The following TNFSF4 variants were observed in gnomAD, a reference collection of about 807,000 sequenced individuals.
TNFSF4 encodes the protein TNF superfamily member 4, also known as tumor necrosis factor ligand superfamily member 4.
Under a neutral mutation model 7.3 loss-of-function variants are expected in TNFSF4, and 4 were observed. The ratio of observed to expected loss-of-function variants is 0.55; its 90% CI spans 0.27 to 1.25. The LOEUF is 1.25. Ranked by LOEUF, TNFSF4 falls within the 50% of genes most tolerant of loss-of-function variation. The pLI, the probability that TNFSF4 is intolerant of heterozygous loss-of-function variation, is 0.12. For missense variants in TNFSF4, 181 were observed against 208.8 expected (o/e 0.87, Z 0.82); for synonymous variants, 76 against 83.7 (o/e 0.91, Z 0.50).
the TNFSF4 span, among the ~76,000 whole-genome samples, chr1:173,310,513 C>T: frequency 6.6e-6 from 1 of 151,662 alleles, no homozygotes; most frequent in Non-Finnish European, 1.5e-5. Context: ...TATAGAACAC[C>T]TTATTATTTT....
chr1:173,320,406 C>T, the TNFSF4 span, among the ~76,000 whole-genome samples: 1 of 152,246 alleles, frequency 6.6e-6, no homozygotes, highest in Non-Finnish European at 1.5e-5. Flanking sequence ...GGAATCATTC[C>T]CTTTGAAAAC....
the TNFSF4 span, chr1:173,351,946 C>A: frequency 7.8e-5 from 42 of 535,032 alleles, no homozygotes; most frequent in Non-Finnish European, 1.4e-4. Context: ...AAAGCCAAAT[C>A]TCACCAGGCA....
At chr1:173,333,511 G>C in the TNFSF4 span, among the ~76,000 whole-genome samples, 1 of 152,074 alleles carries the variant, frequency 6.6e-6, no homozygotes, top group Non-Finnish European at 1.5e-5. Context: ...TGGGGCCTTT[G>C]AGAGGTTATT....
the TNFSF4 span, among the ~76,000 whole-genome samples, chr1:173,428,356 T>C: frequency 6.6e-6 from 1 of 152,208 alleles, no homozygotes; most frequent in Non-Finnish European, 1.5e-5. Context: ...TGGAGGATAC[T>C]GTTACAGAGG....
chr1:173,272,687 A>G, the TNFSF4 span, among the ~76,000 whole-genome samples: 1 of 152,138 alleles, frequency 6.6e-6, no homozygotes, highest in Non-Finnish European at 1.5e-5. Flanking sequence ...CCTTCCAGAA[A>G]GTCAACAAGC....
the TNFSF4 span, among the ~76,000 whole-genome samples, chr1:173,296,581 G>C: frequency 1.3e-5 from 2 of 151,896 alleles, no homozygotes; most frequent in Non-Finnish European, 2.9e-5. Context: ...AGGAGAGAAG[G>C]CTGCAAAGGG....
the TNFSF4 span, among the ~76,000 whole-genome samples, chr1:173,265,705 C>T: frequency 6.6e-6 from 1 of 152,152 alleles, no homozygotes; most frequent in African/African-American, 2.4e-5. Context: ...CAGCTGAAAT[C>T]CAACCACATG....
chr1:173,317,367 G>T, the TNFSF4 span, among the ~76,000 whole-genome samples: 1 of 152,142 alleles, frequency 6.6e-6, no homozygotes, highest in Non-Finnish European at 1.5e-5. Context: ...TACTCAATAC[G>T]CTTCTTGGCC....
chr1:173,393,173 T>C, the TNFSF4 span, among the ~76,000 whole-genome samples: 1 of 152,198 alleles, frequency 6.6e-6, no homozygotes, highest in East Asian at 1.9e-4. Context: ...TACCCAGATG[T>C]GGGAGCAAAA....
Position 173,186,683 on chromosome 1 carries a change from G to A in TNFSF4, c.385C>T (p.Leu129=), listed in dbSNP as rs566629355. Residue 129 remains leucine, a synonymous_variant, in exon 3 of 3, where the codon CTG becomes TTG. Transcript: ENST00000281834. ...YQKDEEPLFQ[L]KKVRSVNSLM... Reference sequence around the variant, plus strand: ...GAGTTGACAGACCTGACCTTCTTCAGTTGGAAGAGGGGCTCCTCATCCTTC... The same window carrying A: ...GAGTTGACAGACCTGACCTTCTTCAATTGGAAGAGGGGCTCCTCATCCTTC... 10 of 1,614,086 alleles carry A rather than the reference G, an allele frequency of 6.2e-6. No individual in the cohort carries two copies. The South Asian group carries it at 9.9e-5, about 16-fold the overall frequency.
the TNFSF4 span, among the ~76,000 whole-genome samples, chr1:173,400,546 T>C: frequency 3.9e-5 from 6 of 152,226 alleles, no homozygotes; most frequent in Non-Finnish European, 7.3e-5. Flanking sequence ...AATGGTTCCA[T>C]TGAATTGGAA....
the TNFSF4 span, among the ~76,000 whole-genome samples, chr1:173,369,408 G>C: frequency 6.6e-6 from 1 of 152,126 alleles, no homozygotes; most frequent in African/African-American, 2.4e-5. Flanking sequence ...AGAATGCTTC[G>C]GTAAGGGCCA....
At chr1:173,179,878 T>C (rs535887495), downstream of TNFSF4, among the ~76,000 whole-genome samples, 1 of 152,280 alleles carries the variant, frequency 6.6e-6, no homozygotes, top group East Asian at 1.9e-4. Context: ...GGTCATATAG[T>C]CTTGGATGGT....
At chr1:173,445,948 A>C in the TNFSF4 span, among the ~76,000 whole-genome samples, 1 of 152,192 alleles carries the variant, frequency 6.6e-6, no homozygotes, top group African/African-American at 2.4e-5. Flanking sequence ...TCTGAACAAA[A>C]CCAGTGTGAT....
chr1:173,243,129 T>C, the TNFSF4 span, among the ~76,000 whole-genome samples: 2 of 150,506 alleles, frequency 1.3e-5, no homozygotes, highest in South Asian at 4.2e-4. Context: ...CAGGATCAAA[T>C]AGACCTCTCA....
intron 1 of TNFSF4, chr1:173,205,211 G>T (rs547554533): frequency 1.4e-6 from 2 of 1,381,420 alleles, no homozygotes; most frequent in African/African-American, 1.4e-5. Context: ...AGTAGACAGG[G>T]CATGTTTCTT....
At chr1:173,190,808 G>A (rs960951069) in intron 1 of TNFSF4, among the ~76,000 whole-genome samples, 5 of 152,198 alleles carry the variant, frequency 3.3e-5, no homozygotes, top group Non-Finnish European at 7.4e-5. Context: ...AACAGCACAG[G>A]CCTCAGCGTG....
At chr1:173,187,710 A>G (rs977529025) in intron 2 of TNFSF4, among the ~76,000 whole-genome samples, 1 of 152,220 alleles carries the variant, frequency 6.6e-6, no homozygotes, top group African/African-American at 2.4e-5. Flanking sequence ...AGTAGGAGGC[A>G]GTGATAGACT....
the TNFSF4 span, among the ~76,000 whole-genome samples, chr1:173,249,431 T>C: frequency 6.6e-6 from 1 of 152,176 alleles, no homozygotes; most frequent in African/African-American, 2.4e-5. Flanking sequence ...TTCTACAATA[T>C]CATAGCAAGG....
Sources: gnomAD v4.1 joint callset for allele counts (sites outside exome capture counted in the v4.1 genomes callset) on GRCh38, gnomAD v4.1.1 for gene constraint, MANE v1.5 for transcripts, NCBI Gene and HGNC (gene_info 2026-07-23, HGNC 2026-07-21) for gene names.